The following HERC3 variants were observed in gnomAD, a reference collection of about 807,000 sequenced individuals.
The protein encoded by HERC3 is HECT and RLD domain containing E3 ubiquitin protein ligase 3.
HERC3 carries 58 observed loss-of-function variants against 129.9 expected under a neutral mutation model. The ratio of observed to expected loss-of-function variants is 0.45; its 90% CI spans 0.36 to 0.56. The LOEUF (loss-of-function observed/expected upper bound fraction) is 0.56. Among genes scored for constraint, HERC3 ranks in the 20% least tolerant of loss-of-function variants. The pLI, the probability that HERC3 is intolerant of heterozygous loss-of-function variation, is 0.00. For missense variants in HERC3, 835 were observed against 1,244.2 expected, an observed-to-expected ratio of 0.67 and a Z score of 4.95; for synonymous variants, 430 against 451.0, an observed-to-expected ratio of 0.95 and a Z score of 0.59.
intron 23 of HERC3, among the ~76,000 whole-genome samples, chr4:88,699,379 C>G (rs992016759): frequency 7.6e-5 from 9 of 118,292 alleles, no homozygotes; most frequent in Admixed American, 1.6e-4. Context: ...ATCTTCTTCC[C>G]CACGATCTGT....
At chr4:88,684,459 A>G (rs1450385949) in intron 21 of HERC3, among the ~76,000 whole-genome samples, 1 of 152,200 alleles carries the variant, frequency 6.6e-6, no homozygotes. Flanking sequence ...CTTATACAAA[A>G]ATTAACTCAA....
At chr4:88,575,264 A>G in the HERC3 span, among the ~76,000 whole-genome samples, 1 of 152,176 alleles carries the variant, frequency 6.6e-6, no homozygotes, top group African/African-American at 2.4e-5. Flanking sequence ...AATGATATCC[A>G]TATTCTAGTA....
intron 3 of HERC3, among the ~76,000 whole-genome samples, chr4:88,617,764 G>C (rs1222413678): frequency 6.7e-6 from 1 of 149,424 alleles, no homozygotes; most frequent in Non-Finnish European, 1.5e-5. Flanking sequence ...CCAGCTACTC[G>C]GGAGGCTGAG....
At chr4:88,549,703 C>T in the HERC3 span, among the ~76,000 whole-genome samples, 2 of 147,412 alleles carry the variant, frequency 1.4e-5, no homozygotes, top group South Asian at 4.3e-4. Flanking sequence ...TTTTCTTTTT[C>T]TTTTTCTTTT....
At chr4:88,610,356 G>C (rs1724163410) in intron 3 of HERC3, among the ~76,000 whole-genome samples, 1 of 151,946 alleles carries the variant, frequency 6.6e-6, no homozygotes, top group East Asian at 1.9e-4. Context: ...AGGAGGCTAA[G>C]GGAGGAGAAT....
chr4:88,528,524 A>G, the HERC3 span, among the ~76,000 whole-genome samples: 1 of 152,162 alleles, frequency 6.6e-6, no homozygotes, highest in Non-Finnish European at 1.5e-5. Context: ...CCATTGTCAA[A>G]TTAGTCTCTG....
chr4:88,581,304 A>AT, the HERC3 span, among the ~76,000 whole-genome samples: 14 of 150,544 alleles, frequency 9.3e-5, no homozygotes, highest in East Asian at 5.9e-4. Context: ...TATTATTATT[A>AT]TTATTTTTTT....
intron 23 of HERC3, among the ~76,000 whole-genome samples, chr4:88,692,263 A>T (rs1470961889): frequency 2.7e-5 from 4 of 149,292 alleles, no homozygotes; most frequent in African/African-American, 7.4e-5. Context: ...CCTAAAATTT[A>T]CCTTAATTTG....
intron 23 of HERC3, among the ~76,000 whole-genome samples, chr4:88,687,974 T>G (rs1207396450): frequency 6.6e-6 from 1 of 152,186 alleles, no homozygotes; most frequent in Non-Finnish European, 1.5e-5. Flanking sequence ...AAACACTGAG[T>G]GCCCACTGTG....
chr4:88,612,732 T>C (rs1190907212), intron 3 of HERC3, among the ~76,000 whole-genome samples: 1 of 152,174 alleles, frequency 6.6e-6, no homozygotes, highest in Non-Finnish European at 1.5e-5. Flanking sequence ...CATGAATTTA[T>C]TTTATAATTT....
chr4:88,583,935 C>T, the HERC3 span: 3 of 152,214 alleles, frequency 2.0e-5, no homozygotes, highest in Admixed American at 2.0e-4. Flanking sequence ...TGGCAATTAA[C>T]CTGGTGACAG....
At chr4:88,656,648 C>T (rs1729932874) in intron 9 of HERC3, 1 of 152,500 alleles carries the variant, frequency 6.6e-6, no homozygotes, top group Non-Finnish European at 1.5e-5. Flanking sequence ...TTGACCAGAA[C>T]ATACATTCAA....
At chr4:88,579,232 A>ATATATATATATAT in the HERC3 span, among the ~76,000 whole-genome samples, 4 of 104,090 alleles carry the variant, frequency 3.8e-5, no homozygotes, top group African/African-American at 2.4e-4. Flanking sequence ...AAAAAAAAAA[A>ATATATATATATAT]ATATATATAT....
Position 88,631,491 on chromosome 4 carries a change from T to C in HERC3, c.227-18349T>C, listed in dbSNP as rs544726771. 1.1e-4 allele frequency among the ~76,000 whole-genome samples: 16 copies of C among 152,332 alleles called. No homozygotes were observed. The East Asian group carries it at 1.2e-3, about 11-fold the overall frequency. ...AAAGAAATACTACTGTAAATTCTTA[T>C]CATAACTAATCTTTCTCTCTGATTC... On this transcript the variant is annotated intron_variant, in intron 3 of 25. Coordinates refer to ENST00000402738, the MANE Select transcript of HERC3 (RefSeq NM_014606.3).
rs563354981 is a variant in HERC3 at position 88,607,352 on chromosome 4, A to G, written c.226+1303A>G. 1.6e-3 allele frequency among the ~76,000 whole-genome samples: 237 copies of G among 152,338 alleles called. 1 individual carries two copies. Among genetic ancestry groups the G allele is most frequent in the South Asian group, 4.3e-3 (21 of 4,830 alleles). On this transcript the variant is annotated intron_variant, in intron 3 of 25. Transcript: ENST00000402738. ...GGAAGAGAGGGTGATGGAAGAGGAT[A>G]AGCTGGAAAGGTAGGGGGACTAATT...
At chr4:88,653,982 T>A in intron 6 of HERC3, 60 bp from the exon 7 acceptor site, 1 of 1,211,966 alleles carries the variant, frequency 8.3e-7, no homozygotes, top group South Asian at 1.2e-5. Context: ...CCAAGATAGT[T>A]GTGTATATTT....
chr4:88,596,587 C>T (rs1172113466), intron 2 of HERC3, among the ~76,000 whole-genome samples: 1 of 152,190 alleles, frequency 6.6e-6, no homozygotes, highest in African/African-American at 2.4e-5. Context: ...CCAGTCTGCA[C>T]GTTGGCAGGG....
chr4:88,697,098 T>C, intron 23 of HERC3: 1 of 1,037,388 alleles, frequency 9.6e-7, no homozygotes, highest in Non-Finnish European at 1.4e-6. Flanking sequence ...AAATTCACAT[T>C]GTATTTTGGT....
the HERC3 span, among the ~76,000 whole-genome samples, chr4:88,554,977 G>A: frequency 6.6e-6 from 1 of 152,094 alleles, no homozygotes. Flanking sequence ...TTATCAGACA[G>A]GTGAACTTTA....
Sources: allele counts gnomAD v4.1 joint callset (sites outside exome capture counted in the v4.1 genomes callset), GRCh38; gene constraint gnomAD v4.1.1; transcripts MANE v1.5; gene names NCBI Gene and HGNC (gene_info 2026-07-23, HGNC 2026-07-21).